Variants in GPC6 observed in about 807,000 individuals in gnomAD.
The protein encoded by GPC6 is glypican-6.
A neutral mutation model predicts 55.2 loss-of-function variants in GPC6; 14 were observed. The observed-to-expected ratio is 0.25, with a 90% CI of 0.17 to 0.40. The LOEUF is 0.40. GPC6 is among the 10% of genes least tolerant of loss of function. The pLI, the probability that GPC6 is intolerant of heterozygous loss-of-function variation, is 1.00. For synonymous variants in GPC6, 278 were observed against 259.6 expected, an observed-to-expected ratio of 1.07 and a Z score of -0.68; for missense variants, 641 against 708.5, an observed-to-expected ratio of 0.90 and a Z score of 1.08.
At chr13:93,273,248 C>T (rs1177495337) in intron 1 of GPC6, among the ~76,000 whole-genome samples, 1 of 152,120 alleles carries the variant, frequency 6.6e-6, no homozygotes, top group African/African-American at 2.4e-5. Context: ...AAAAGAATTG[C>T]ACTTTAAGAG....
intron 5 of GPC6, among the ~76,000 whole-genome samples, chr13:94,296,801 G>A (rs1029400964): frequency 6.6e-6 from 1 of 152,132 alleles, no homozygotes; most frequent in Non-Finnish European, 1.5e-5. Flanking sequence ...ACACCCTGAT[G>A]TAACATTTCC....
intron 7 of GPC6, among the ~76,000 whole-genome samples, chr13:94,394,951 C>G (rs1446653321): frequency 1.3e-5 from 2 of 152,150 alleles, no homozygotes; most frequent in Admixed American, 1.3e-4. Flanking sequence ...AAATGACTCT[C>G]AGCTAACCAT....
At chr13:93,591,473 A>C (rs1877482387) in intron 2 of GPC6, among the ~76,000 whole-genome samples, 1 of 151,924 alleles carries the variant, frequency 6.6e-6, no homozygotes, top group African/African-American at 2.4e-5. Flanking sequence ...CAAAGGAAAA[A>C]AAAAAAAAAA....
chr13:93,889,406 G>C (rs551599620), intron 3 of GPC6, among the ~76,000 whole-genome samples: 1 of 152,172 alleles, frequency 6.6e-6, no homozygotes, highest in East Asian at 1.9e-4. Flanking sequence ...AATGTGGTTG[G>C]AAACACGTTT....
Position 93,467,575 on chromosome 13 carries a change from C to CTTTT in GPC6, c.161-77667_161-77664dup, listed in dbSNP as rs11426472. The stretch of plus-strand genomic sequence containing the variant: ...GCTACCCTGCTGGCAAGCTGTGATT[C>CTTTT]TTTTTTTTTTTTTTTTTTTTTTTTG... On this transcript the variant is annotated intron_variant, in intron 1 of 8. Transcript: ENST00000377047. Among the ~76,000 whole-genome samples the CTTTT allele has an allele frequency of 2.7e-3, 198 of 74,012 alleles. 6 individuals carry two copies. The highest frequency in any genetic ancestry group is 4.4e-3 in the African/African-American group (78 of 17,900). The allele number at this position is 74,012 out of a possible 152,430, so 48.6% of individuals were successfully genotyped here.
chr13:93,798,713 G>T (rs1301103230), intron 2 of GPC6, among the ~76,000 whole-genome samples: 1 of 152,032 alleles, frequency 6.6e-6, no homozygotes, highest in Non-Finnish European at 1.5e-5. Context: ...GAGGTCAGAA[G>T]TTCGAGATCA....
intron 4 of GPC6, among the ~76,000 whole-genome samples, chr13:94,251,524 C>T (rs997350899): frequency 2.6e-5 from 4 of 151,262 alleles, no homozygotes; most frequent in African/African-American, 9.7e-5. Flanking sequence ...CTATACAAAG[C>T]CCCCAAATCC....
rs373672711 is a variant in GPC6, at chr13:93,236,621, G to A, written c.160+9005G>A. Among the ~76,000 whole-genome samples the A allele has an allele frequency of 8.5e-5, 13 of 152,254 alleles. No individual in the cohort carries two copies. The East Asian group carries it at 9.7e-4, about 11-fold the overall frequency. ...TGTGCATGCGAGGGATGTAGGTTGC[G>A]TGCTCATTATGAGAATCTAATGCCT... On this transcript the variant is annotated intron_variant, in intron 1 of 8. Coordinates refer to ENST00000377047, the MANE Select transcript of GPC6 (RefSeq NM_005708.5).
intron 6 of GPC6, among the ~76,000 whole-genome samples, chr13:94,318,866 A>G (rs1876675841): frequency 6.6e-6 from 1 of 152,142 alleles, no homozygotes; most frequent in Non-Finnish European, 1.5e-5. Context: ...TGCTGCCTTA[A>G]AGTCTCTTTC....
At chr13:93,308,721 C>T (rs1265234203) in intron 1 of GPC6, among the ~76,000 whole-genome samples, 2 of 152,196 alleles carry the variant, frequency 1.3e-5, no homozygotes, top group Admixed American at 6.5e-5. Flanking sequence ...GGATTACAGG[C>T]GTAAGCCACT....
At chr13:93,731,128 T>C (rs1883805511) in intron 2 of GPC6, among the ~76,000 whole-genome samples, 1 of 152,116 alleles carries the variant, frequency 6.6e-6, no homozygotes, top group Non-Finnish European at 1.5e-5. Flanking sequence ...CCGAAGATTG[T>C]AGGGGTGCTC....
In GPC6 at chr13:94,282,789, G is replaced by A. The variant is rs79024976; in HGVS notation, c.878-3560G>A. On this transcript the variant is annotated intron_variant, in intron 4 of 8. Coordinates refer to ENST00000377047, the MANE Select transcript of GPC6 (RefSeq NM_005708.5). ...GATCTCAGAGTAGATTCTTGTAAGA[G>A]ACAGAAAGTGGTCTCTTAAATACTA... Among the ~76,000 whole-genome samples, 1,046 of 152,334 alleles carry A rather than the reference G, an allele frequency of 6.9e-3. 5 individuals carry two copies. Among genetic ancestry groups the A allele is most frequent in the Middle Eastern group, 0.02 (6 of 294 alleles).
Position 93,756,495 on chromosome 13 carries a change from A to C in GPC6, c.320-73659A>C, listed in dbSNP as rs146578032. 4.8e-3 allele frequency among the ~76,000 whole-genome samples: 726 copies of C among 152,248 alleles called. 5 individuals carry two copies. The highest frequency in any genetic ancestry group is 0.017 in the African/African-American group (696 of 41,546). ...ATGGCCACCATATAATTCCTGTCCCAAAAGCCTTGGGACTTTATTCAAGGA... is the reference window on the plus strand; with the variant it reads ...ATGGCCACCATATAATTCCTGTCCCCAAAGCCTTGGGACTTTATTCAAGGA... On this transcript the variant is annotated intron_variant, in intron 2 of 8. Transcript: ENST00000377047.
chr13:93,796,792 G>A (rs1886210174), intron 2 of GPC6, among the ~76,000 whole-genome samples: 1 of 151,590 alleles, frequency 6.6e-6, no homozygotes, highest in Admixed American at 6.6e-5. Context: ...GGATTCTATG[G>A]TGCCAAGCTT....
At chr13:94,273,908 T>A (rs1054894347) in intron 4 of GPC6, among the ~76,000 whole-genome samples, 7 of 152,186 alleles carry the variant, frequency 4.6e-5, no homozygotes, top group African/African-American at 1.7e-4. Flanking sequence ...ACAAATGACA[T>A]AAAAACTTAT....
At chr13:93,425,898 C>T (rs1268893388) in intron 1 of GPC6, among the ~76,000 whole-genome samples, 1 of 152,134 alleles carries the variant, frequency 6.6e-6, no homozygotes, top group Non-Finnish European at 1.5e-5. Context: ...CCCTTAGGCA[C>T]AGGTGCCCTG....
intron 1 of GPC6, among the ~76,000 whole-genome samples, chr13:93,427,421 G>C (rs1206261820): frequency 4.6e-5 from 7 of 151,700 alleles, no homozygotes; most frequent in African/African-American, 1.7e-4. Flanking sequence ...CAATGGAACA[G>C]AACAGAGCCC....
At chr13:93,536,276 G>C (rs751449365) in intron 1 of GPC6, among the ~76,000 whole-genome samples, 4 of 152,062 alleles carry the variant, frequency 2.6e-5, no homozygotes, top group Non-Finnish European at 5.9e-5. Context: ...ATTTTACAGA[G>C]TATGTTTAAT....
chr13:94,248,777 G>T (rs1891270677), intron 4 of GPC6, among the ~76,000 whole-genome samples: 1 of 151,956 alleles, frequency 6.6e-6, no homozygotes, highest in African/African-American at 2.4e-5. Context: ...TTAGAAACTA[G>T]CACCTCAGGA....
Sources: gnomAD v4.1 joint callset for allele counts (sites outside exome capture counted in the v4.1 genomes callset) on GRCh38, gnomAD v4.1.1 for gene constraint, MANE v1.5 for transcripts, NCBI Gene and HGNC (gene_info 2026-07-23, HGNC 2026-07-21) for gene names.